The following MTUS2 variants were observed in gnomAD, a reference collection of about 807,000 sequenced individuals.
MTUS2 encodes microtubule associated scaffold protein 2, also known as microtubule-associated tumor suppressor candidate 2.
A neutral mutation model predicts 114.1 loss-of-function variants in MTUS2; 40 were observed. The observed-to-expected ratio is 0.35, with a 90% confidence interval of 0.27 to 0.46. The LOEUF is 0.46. Among genes scored for constraint, MTUS2 ranks in the 20% least tolerant of loss-of-function variants. MTUS2 has a pLI of 1.00. For synonymous variants in MTUS2, 688 were observed against 672.0 expected (o/e 1.02, Z -0.37); for missense variants, 1,679 against 1,705.4 (o/e 0.98, Z 0.27).
chr13:28,964,444 C>T (rs1883481063), intron 2 of MTUS2, among the ~76,000 whole-genome samples: 2 of 152,186 alleles, frequency 1.3e-5, no homozygotes, highest in African/African-American at 2.4e-5. Context: ...AATAAAATTC[C>T]GACCCATTAA....
At position 29,503,003 on chromosome 13, in the gene MTUS2, G is replaced by A; in HGVS notation, c.3907G>A (p.Glu1303Lys). ...QNTVVTRQLSEENANLQEYVE... is the reference protein window; with the variant it reads ...QNTVVTRQLSKENANLQEYVE... ...ATTGTGCCCATGCAGACAGCTGTCG[G>A]AGGAAAATGCTAACCTCCAGGAATA... The change falls in exon 16 of 16, where the codon GAG becomes AAG. Residue 1303 changes from glutamate to lysine, a missense_variant. By Grantham distance (56) the Glu-to-Lys change is moderately conservative. Transcript: ENST00000612955. The A allele has an allele frequency of 6.2e-7, 1 of 1,614,174 alleles. No homozygotes were observed. Among genetic ancestry groups the A allele is most frequent in the Non-Finnish European group, 8.5e-7 (1 of 1,180,028 alleles).
intron 8 of MTUS2, among the ~76,000 whole-genome samples, chr13:29,386,746 C>G (rs182611865): frequency 3.7e-4 from 56 of 152,220 alleles, no homozygotes; most frequent in African/African-American, 1.2e-3. Flanking sequence ...CAGTTACTCC[C>G]CATAAGAGTA....
intron 8 of MTUS2, among the ~76,000 whole-genome samples, chr13:29,369,204 T>C (rs925869367): frequency 6.6e-6 from 1 of 152,186 alleles, no homozygotes; most frequent in Non-Finnish European, 1.5e-5. Context: ...CAACCAGCTT[T>C]TCCTGGTTCC....
At chr13:29,209,015 T>A (rs549255842) in intron 5 of MTUS2, among the ~76,000 whole-genome samples, 3 of 152,130 alleles carry the variant, frequency 2.0e-5, no homozygotes, top group South Asian at 2.1e-4. Flanking sequence ...AGTGCTGTCA[T>A]TGGGGTACTG....
At chr13:29,144,228 AAAC>A (rs1333847346) in intron 5 of MTUS2, among the ~76,000 whole-genome samples, 2 of 152,350 alleles carry the variant, frequency 1.3e-5, no homozygotes, top group African/African-American at 4.8e-5. Context: ...CAGTAGCTTA[AAAC>A]AACCCACATT....
rs542773171 is a variant in MTUS2 at position 29,484,413 on chromosome 13, C to T, written c.3400-3487C>T. Among the ~76,000 whole-genome samples, 4 of 152,372 alleles carry T rather than the reference C, an allele frequency of 2.6e-5. No homozygotes were observed. In the East Asian group the frequency reaches 7.7e-4, roughly 29 times the overall value. On this transcript the variant is annotated intron_variant, in intron 10 of 15. Coordinates refer to ENST00000612955, the MANE Select transcript of MTUS2 (RefSeq NM_001033602.4). ...CTTGTCTCTCAGCACCAGAGCCTGCCATCACAGCCCAGAGGTTCCATGCTC... is the reference window on the plus strand; with the variant it reads ...CTTGTCTCTCAGCACCAGAGCCTGCTATCACAGCCCAGAGGTTCCATGCTC...
chr13:29,036,876 G>A (rs868651437), intron 4 of MTUS2, among the ~76,000 whole-genome samples: 1 of 146,900 alleles, frequency 6.8e-6, no homozygotes. Context: ...ATATTCCTCT[G>A]TCCCTTTATT....
intron 8 of MTUS2, among the ~76,000 whole-genome samples, chr13:29,417,385 A>G (rs1218983202): frequency 2.0e-5 from 3 of 152,238 alleles, no homozygotes; most frequent in Non-Finnish European, 1.5e-5. Context: ...GGTGAAATCC[A>G]AACTATTTTA....
intron 2 of MTUS2, among the ~76,000 whole-genome samples, chr13:28,925,756 A>G (rs906892961): frequency 6.6e-6 from 1 of 152,222 alleles, no homozygotes; most frequent in Non-Finnish European, 1.5e-5. Context: ...TGTACGAGGT[A>G]TTGTGAGTAC....
intron 5 of MTUS2, among the ~76,000 whole-genome samples, chr13:29,104,822 A>G (rs986029392): frequency 6.6e-6 from 1 of 152,174 alleles, no homozygotes; most frequent in Non-Finnish European, 1.5e-5. Flanking sequence ...TTAAGCGTAA[A>G]CTTAACATAT....
intron 5 of MTUS2, among the ~76,000 whole-genome samples, chr13:29,243,622 G>T (rs962722913): frequency 6.6e-6 from 1 of 152,116 alleles, no homozygotes; most frequent in African/African-American, 2.4e-5. Context: ...CAATATGACA[G>T]ATTTGAGAAT....
At chr13:29,254,167 G>A (rs776554942) in intron 5 of MTUS2, among the ~76,000 whole-genome samples, 1 of 152,212 alleles carries the variant, frequency 6.6e-6, no homozygotes, top group African/African-American at 2.4e-5. Flanking sequence ...TGCAATTATG[G>A]CTAATTGTGA....
chr13:29,060,543 CTT>C (rs1162860492), intron 4 of MTUS2, among the ~76,000 whole-genome samples: 12 of 101,198 alleles, frequency 1.2e-4, no homozygotes, highest in African/African-American at 2.2e-4. Context: ...CCTAGCCCTT[CTT>C]TTTTTTTTTT....
intron 9 of MTUS2, among the ~76,000 whole-genome samples, chr13:29,459,666 G>A (rs1879350342): frequency 6.6e-6 from 1 of 152,148 alleles, no homozygotes; most frequent in Non-Finnish European, 1.5e-5. Context: ...ACTTTTTATT[G>A]CATTCACTTT....
chr13:28,956,516 G>T (rs77250056), intron 2 of MTUS2, among the ~76,000 whole-genome samples: 244 of 152,250 alleles, frequency 1.6e-3, no homozygotes, highest in African/African-American at 5.7e-3. Context: ...TTTCAAAAAG[G>T]ATAGAATCCT....
chr13:29,196,761 A>G (rs1035220795), intron 5 of MTUS2, among the ~76,000 whole-genome samples: 1 of 152,202 alleles, frequency 6.6e-6, no homozygotes, highest in Non-Finnish European at 1.5e-5. Context: ...AGTTTTATCC[A>G]TACTGCAGCA....
intron 9 of MTUS2, among the ~76,000 whole-genome samples, chr13:29,475,786 GT>G (rs565240332): frequency 5.3e-5 from 8 of 152,278 alleles, no homozygotes; most frequent in African/African-American, 1.9e-4. Flanking sequence ...GAGTCAAAAA[GT>G]TTGAAAAAAT....
intron 8 of MTUS2, among the ~76,000 whole-genome samples, chr13:29,393,253 G>A (rs1054164789): frequency 6.6e-6 from 1 of 152,212 alleles, no homozygotes. Context: ...CCTCTGATCT[G>A]AGAAGTAGCA....
At chr13:28,842,016 C>G (rs551382379) in intron 2 of MTUS2, among the ~76,000 whole-genome samples, 14 of 152,286 alleles carry the variant, frequency 9.2e-5, no homozygotes, top group African/African-American at 2.9e-4. Context: ...TCATTTACCC[C>G]CTTCTCCCCC....
Sources: gnomAD v4.1 joint callset for allele counts (sites outside exome capture counted in the v4.1 genomes callset) on GRCh38, gnomAD v4.1.1 for gene constraint, MANE v1.5 for transcripts, NCBI Gene and HGNC (gene_info 2026-07-23, HGNC 2026-07-21) for gene names.